Variants in PPM1L observed in about 807,000 individuals in gnomAD.
PPM1L encodes the protein protein phosphatase, Mg2+/Mn2+ dependent 1L.
In PPM1L, 13 loss-of-function variants were observed where a neutral mutation model predicts 31.4. That is an observed-to-expected ratio of 0.41 (90% confidence interval 0.27 to 0.66). The LOEUF (loss-of-function observed/expected upper bound fraction) is 0.66. Ranked by LOEUF, PPM1L falls within the 30% of genes least tolerant of loss-of-function variation. PPM1L has a pLI of 0.29. For synonymous variants in PPM1L, 184 were observed against 175.4 expected (o/e 1.05, Z -0.39); for missense variants, 326 against 453.7 (o/e 0.72, Z 2.56).
At chr3:160,838,861 A>G (rs75058165) in intron 1 of PPM1L, among the ~76,000 whole-genome samples, 4,863 of 152,244 alleles carry the variant, frequency 0.032, 243 homozygotes, top group African/African-American at 0.11. Context: ...GACTTATGCT[A>G]TGGCTTGAAT....
At position 161,070,581 on chromosome 3, in the gene PPM1L, ATAT is replaced by A. The variant is rs1719875894; in HGVS notation, c.*1429_*1431del. 1 of 152,072 alleles carries A rather than the reference ATAT, an allele frequency of 6.6e-6. No individual in the cohort carries two copies. Among genetic ancestry groups the A allele is most frequent in the African/African-American group, 2.4e-5 (1 of 41,388 alleles). 9.4% of individuals were successfully genotyped at this position (152,072 alleles called of 1,614,324 possible). ...ATCATTTTTCCAACCTTGGTATTTTATATTATTTAGAGAAAATGCTGGGTCACT... is the reference window on the plus strand; with the variant it reads ...ATCATTTTTCCAACCTTGGTATTTTATATTTAGAGAAAATGCTGGGTCACT... On this transcript the variant is annotated 3_prime_UTR_variant, in exon 4 of 4. Transcript: ENST00000498165.
chr3:160,790,618 G>T (rs1712077181), intron 1 of PPM1L, among the ~76,000 whole-genome samples: 1 of 152,044 alleles, frequency 6.6e-6, no homozygotes. Context: ...GAGATACTCT[G>T]AGGGTAGGAT....
chr3:160,794,718 T>G (rs1286863173), intron 1 of PPM1L, among the ~76,000 whole-genome samples: 1 of 152,088 alleles, frequency 6.6e-6, no homozygotes, highest in Non-Finnish European at 1.5e-5. Context: ...TGGGCCACAT[T>G]GGATGAAGAA....
intron 2 of PPM1L, among the ~76,000 whole-genome samples, chr3:161,031,491 T>C (rs534971212): frequency 2.2e-4 from 32 of 142,786 alleles, no homozygotes; most frequent in Non-Finnish European, 3.5e-4. Flanking sequence ...ATGGCAGCTA[T>C]GTATTCTGTC....
At chr3:160,867,014 A>G (rs1397763797) in intron 1 of PPM1L, among the ~76,000 whole-genome samples, 2 of 151,840 alleles carry the variant, frequency 1.3e-5, no homozygotes, top group Non-Finnish European at 2.9e-5. Context: ...GCTAATTTTT[A>G]TTTTTTGTAG....
At chr3:160,865,432 A>G (rs944595871) in intron 1 of PPM1L, among the ~76,000 whole-genome samples, 1 of 152,196 alleles carries the variant, frequency 6.6e-6, no homozygotes, top group African/African-American at 2.4e-5. Context: ...ATCTTTTGCT[A>G]TTATAGTAAT....
intron 1 of PPM1L, among the ~76,000 whole-genome samples, chr3:160,960,524 T>TTTTG (rs764036741): frequency 2.0e-5 from 3 of 151,584 alleles, no homozygotes; most frequent in Admixed American, 1.3e-4. Flanking sequence ...GATACCATCT[T>TTTTG]TTTGTTTGTT....
intron 1 of PPM1L, among the ~76,000 whole-genome samples, chr3:160,918,058 C>T (rs1418404758): frequency 6.6e-6 from 1 of 152,202 alleles, no homozygotes; most frequent in African/African-American, 2.4e-5. Flanking sequence ...GAATCCTTCT[C>T]ACTCACAGGA....
intron 1 of PPM1L, among the ~76,000 whole-genome samples, chr3:160,945,938 A>G (rs1401608380): frequency 3.9e-5 from 6 of 152,186 alleles, no homozygotes; most frequent in Non-Finnish European, 8.8e-5. Flanking sequence ...TAATACATAT[A>G]CCATACAAAA....
rs78108156 is a variant in PPM1L at position 160,809,754 on chromosome 3, C to T, written c.399+53047C>T. 3.5e-4 allele frequency among the ~76,000 whole-genome samples: 53 copies of T among 152,226 alleles called. No homozygotes were observed. The East Asian group carries it at 9.5e-3, about 27-fold the overall frequency. On this transcript the variant is annotated intron_variant, in intron 1 of 3. Transcript: ENST00000498165. ...TTAGAGCCCTGCTGCTTACCAATGC[C>T]ACCTGCTTATCTGACTTCTGAATGT...
At chr3:161,054,320 AC>A (rs1303574831) in intron 2 of PPM1L, among the ~76,000 whole-genome samples, 1 of 150,624 alleles carries the variant, frequency 6.6e-6, no homozygotes, top group Non-Finnish European at 1.5e-5. Context: ...TGAAATAGAA[AC>A]CCCCTAATGT....
At chr3:160,769,304 T>C (rs984813638) in intron 1 of PPM1L, among the ~76,000 whole-genome samples, 2 of 152,222 alleles carry the variant, frequency 1.3e-5, no homozygotes, top group African/African-American at 4.8e-5. Context: ...GTTCTGCACG[T>C]TAGTAACCTC....
At chr3:161,019,385 A>T (rs1411104427) in intron 2 of PPM1L, among the ~76,000 whole-genome samples, 3 of 152,136 alleles carry the variant, frequency 2.0e-5, no homozygotes, top group African/African-American at 7.2e-5. Flanking sequence ...TTTTGTAAAG[A>T]TAGGGTCTCA....
intron 1 of PPM1L, among the ~76,000 whole-genome samples, chr3:160,943,946 G>A (rs1453778898): frequency 6.6e-6 from 1 of 152,018 alleles, no homozygotes; most frequent in Non-Finnish European, 1.5e-5. Context: ...TTAATAATTG[G>A]GTATATTGTA....
intron 1 of PPM1L, among the ~76,000 whole-genome samples, chr3:160,903,597 A>G (rs1361937878): frequency 2.6e-5 from 4 of 152,186 alleles, no homozygotes; most frequent in African/African-American, 7.2e-5. Flanking sequence ...AAAATATTTA[A>G]TAAATGGTAG....
Position 160,918,044 on chromosome 3 carries a change from A to T in PPM1L, c.400-43692A>T, listed in dbSNP as rs531022744. On this transcript the variant is annotated intron_variant, in intron 1 of 3. Transcript: ENST00000498165. The stretch of plus-strand genomic sequence containing the variant: ...TCCCCAGCTGCACATGCACACTTGC[A>T]CGCGAATCCTTCTCACTCACAGGAG... 3.3e-5 allele frequency among the ~76,000 whole-genome samples: 5 copies of T among 152,330 alleles called. No homozygotes were observed. In the South Asian group the frequency reaches 1.0e-3, roughly 32 times the overall value.
At chr3:161,012,187 G>C (rs138301783) in intron 2 of PPM1L, among the ~76,000 whole-genome samples, 1 of 152,110 alleles carries the variant, frequency 6.6e-6, no homozygotes, top group Non-Finnish European at 1.5e-5. Context: ...TTTGAGGTAC[G>C]TCCCATCAAT....
intron 2 of PPM1L, among the ~76,000 whole-genome samples, chr3:161,064,376 G>GAA (rs11369193): frequency 1.2e-4 from 17 of 144,880 alleles, no homozygotes; most frequent in Admixed American, 2.7e-4. Context: ...CTTAAAAAAA[G>GAA]AAAAAAAAAA....
chr3:160,876,790 G>A (rs1052962162), intron 1 of PPM1L, among the ~76,000 whole-genome samples: 1 of 152,196 alleles, frequency 6.6e-6, no homozygotes, highest in African/African-American at 2.4e-5. Flanking sequence ...CCACGTGGGG[G>A]TGGTCATTTT....
Sources: gnomAD v4.1 joint callset for allele counts (sites outside exome capture counted in the v4.1 genomes callset) on GRCh38, gnomAD v4.1.1 for gene constraint, MANE v1.5 for transcripts, NCBI Gene and HGNC (gene_info 2026-07-23, HGNC 2026-07-21) for gene names.